Variants in PRKAG2 observed in about 807,000 individuals in gnomAD.
PRKAG2 encodes the protein 5'-AMP-activated protein kinase subunit gamma-2.
A neutral mutation model predicts 69.6 loss-of-function variants in PRKAG2; 26 were observed. The ratio of observed to expected loss-of-function variants is 0.37; its 90% CI spans 0.27 to 0.52. PRKAG2 has a LOEUF of 0.52. PRKAG2 is among the 20% of genes least tolerant of loss of function. The pLI is 0.90. For synonymous variants in PRKAG2, 293 were observed against 285.0 expected (o/e 1.03, Z -0.28); for missense variants, 557 against 740.0 (o/e 0.75, Z 2.87).
chr7:151,581,474 G>A (rs1810457272), intron 6 of PRKAG2, among the ~76,000 whole-genome samples: 1 of 152,116 alleles, frequency 6.6e-6, no homozygotes, highest in Non-Finnish European at 1.5e-5. Context: ...TCCTTCAGTG[G>A]ACACATTTCT....
rs866047367 is a variant in PRKAG2, at chr7:151,561,699, G to A, written c.1585-1082C>T. 1.8e-4 allele frequency among the ~76,000 whole-genome samples: 28 copies of A among 152,288 alleles called. No individual in the cohort carries two copies. In the South Asian group the frequency reaches 3.3e-3, roughly 18 times the overall value. On this transcript the variant is annotated intron_variant, in intron 14 of 15. Transcript: ENST00000287878. ...TGTAATCCCAGCACTTTGGGAGGCC[G>A]AGGCGGGCGGATCACCTGAGGTCAG...
intron 3 of PRKAG2, among the ~76,000 whole-genome samples, chr7:151,688,051 C>CCCTCCT (rs1554539800): frequency 2.7e-5 from 4 of 145,734 alleles, no homozygotes; most frequent in African/African-American, 1.0e-4. Context: ...GGCCCCCCCC[C>CCCTCCT]GGGCTCCTTG....
Position 151,632,483 on chromosome 7 carries a change from C to A in PRKAG2, c.685-345G>T, listed in dbSNP as rs1014783618. ...CAGCGCCTGGGCCCGGGGCGCCCCC[C>A]TCCGGCCGTGGCCCGCGTCCTCCCC... On this transcript the variant is annotated intron_variant, in intron 4 of 15. Transcript: ENST00000287878. This position sits in a 1 kb window ranked among gnomAD's most constrained non-coding sequence, Gnocchi z 4.2. The A allele has an allele frequency of 1.2e-6, 1 of 821,952 alleles. No homozygotes were observed. Among genetic ancestry groups the A allele is most frequent in the Non-Finnish European group, 1.5e-6 (1 of 681,674 alleles). 50.9% of individuals were successfully genotyped at this position (821,952 alleles called of 1,614,324 possible).
At chr7:151,569,894 G>T (rs1419313451) in intron 10 of PRKAG2, among the ~76,000 whole-genome samples, 1 of 152,184 alleles carries the variant, frequency 6.6e-6, no homozygotes, top group Non-Finnish European at 1.5e-5. Context: ...AAAAGCCCAG[G>T]AATCTGCAAT....
chr7:151,799,685 T>C (rs1034450397), intron 1 of PRKAG2, among the ~76,000 whole-genome samples: 1 of 152,192 alleles, frequency 6.6e-6, no homozygotes, highest in African/African-American at 2.4e-5. Flanking sequence ...ACACTCTGCA[T>C]GGAGGGGCTC....
chr7:151,814,670 G>A lies in PRKAG2; in HGVS notation c.115-28129C>T, dbSNP rs1200047028. On this transcript the variant is annotated intron_variant, in intron 1 of 15. Coordinates refer to ENST00000287878, the MANE Select transcript of PRKAG2 (RefSeq NM_016203.4). The surrounding 1 kb of genome is among the most constrained non-coding windows in gnomAD (Gnocchi z 4.8). Reference sequence around the variant, plus strand: ...TGCAACAGATGGGGACCGGGGCTGGGTGTGTTCCCAGTCCCCAAGGCAGCG... The same window carrying A: ...TGCAACAGATGGGGACCGGGGCTGGATGTGTTCCCAGTCCCCAAGGCAGCG... 1.6e-6 allele frequency: 2 copies of A among 1,231,812 alleles called. No homozygotes were observed. The highest frequency in any genetic ancestry group is 4.1e-5 in the South Asian group (1 of 24,318). 76.3% of individuals were successfully genotyped at this position (1,231,812 alleles called of 1,614,324 possible).
intron 1 of PRKAG2, among the ~76,000 whole-genome samples, chr7:151,866,019 CAA>C (rs61697386): frequency 1.8e-4 from 17 of 95,708 alleles, no homozygotes; most frequent in Admixed American, 4.1e-4. Context: ...GACTCTGTCT[CAA>C]AAAAAAAAAA....
At position 151,716,584 on chromosome 7, in the gene PRKAG2, G is replaced by A. The variant is rs1454924884; in HGVS notation, c.467-40947C>T. Among the ~76,000 whole-genome samples the A allele has an allele frequency of 5.9e-5, 9 of 152,300 alleles. No individual in the cohort carries two copies. In the East Asian group the frequency reaches 1.7e-3, roughly 29 times the overall value. ...CCGCCCAGCCTTGCACTTAACAGGT[G>A]CATAATAATCCCTTAGGAAGGAGGG... On this transcript the variant is annotated intron_variant, in intron 3 of 15. Transcript: ENST00000287878.
In PRKAG2 at chr7:151,814,461, A is replaced by G. The variant is rs908430729; in HGVS notation, c.115-27920T>C. 1 of 1,230,436 alleles carries G rather than the reference A, an allele frequency of 8.1e-7. No homozygotes were observed. The highest frequency in any genetic ancestry group is 1.5e-5 in the African/African-American group (1 of 64,522). 76.2% of individuals were successfully genotyped at this position (1,230,436 alleles called of 1,614,324 possible). ...AGGTCTTCTCTTCCAGATGCTAATA[A>G]GCAGTGCAGGCTTGTAAGCTGCTGG... On this transcript the variant is annotated intron_variant, in intron 1 of 15. Coordinates refer to ENST00000287878, the MANE Select transcript of PRKAG2 (RefSeq NM_016203.4). The surrounding 1 kb of genome is among the most constrained non-coding windows in gnomAD (Gnocchi z 4.8).
intron 1 of PRKAG2, among the ~76,000 whole-genome samples, chr7:151,869,182 A>T (rs906982118): frequency 2.0e-5 from 3 of 152,220 alleles, no homozygotes; most frequent in African/African-American, 4.8e-5. Flanking sequence ...TGCAATATCG[A>T]TTGAACCCAC....
At chr7:151,710,873 T>C (rs1795186770) in intron 3 of PRKAG2, among the ~76,000 whole-genome samples, 1 of 152,138 alleles carries the variant, frequency 6.6e-6, no homozygotes, top group African/African-American at 2.4e-5. Context: ...GCACTCATAG[T>C]GGTAGGCAGA....
At chr7:151,667,767 A>G (rs1458093259) in intron 4 of PRKAG2, among the ~76,000 whole-genome samples, 2 of 152,344 alleles carry the variant, frequency 1.3e-5, no homozygotes, top group African/African-American at 2.4e-5. Context: ...GAATTGAGAC[A>G]AGTTAGCTGT....
chr7:151,665,878 A>G (rs560019175), intron 4 of PRKAG2, among the ~76,000 whole-genome samples: 203 of 152,228 alleles, frequency 1.3e-3, no homozygotes, highest in Non-Finnish European at 2.4e-3. Flanking sequence ...GTGCCTTTCT[A>G]TCTTTGAAAG....
chr7:151,715,371 A>G (rs1021069576), intron 3 of PRKAG2, among the ~76,000 whole-genome samples: 2 of 137,968 alleles, frequency 1.4e-5, no homozygotes, highest in Non-Finnish European at 3.1e-5. Context: ...TTTTTGAGAC[A>G]GAGTTCCTGT....
chr7:151,704,049 G>A (rs183411300), intron 3 of PRKAG2, among the ~76,000 whole-genome samples: 125 of 151,650 alleles, frequency 8.2e-4, no homozygotes, highest in Non-Finnish European at 1.2e-3. Context: ...ATGACAGACC[G>A]AGACTCTGTC....
intron 3 of PRKAG2, among the ~76,000 whole-genome samples, chr7:151,724,728 C>T (rs2536071): frequency 0.25 from 37,723 of 152,122 alleles, 4,867 homozygotes; most frequent in South Asian, 0.4. Context: ...GCCGCTTGCC[C>T]GCCCCACAAG....
intron 5 of PRKAG2, among the ~76,000 whole-genome samples, chr7:151,627,455 A>G (rs554436870): frequency 5.9e-4 from 89 of 152,114 alleles, no homozygotes; most frequent in African/African-American, 2.0e-3. Flanking sequence ...GTGAAACCCC[A>G]TCTCTACTAA....
rs73728430 is a variant in PRKAG2, at chr7:151,858,757, C to T, written c.114+17750G>A. ...AGTGCTGAGATGGGTTTGGTTTGAG[C>T]CCCCAATCCAAAGATGCTTTGCTGG... On this transcript the variant is annotated intron_variant, in intron 1 of 15. Coordinates refer to ENST00000287878, the MANE Select transcript of PRKAG2 (RefSeq NM_016203.4). Among the ~76,000 whole-genome samples the T allele has an allele frequency of 6.8e-3, 1,040 of 152,314 alleles. 18 individuals carry two copies. Among genetic ancestry groups the T allele is most frequent in the African/African-American group, 0.024 (995 of 41,558 alleles).
chr7:151,735,851 C>T (rs1277675539), intron 3 of PRKAG2: 6 of 1,535,344 alleles, frequency 3.9e-6, no homozygotes, highest in Non-Finnish European at 5.2e-6. Flanking sequence ...CCGTGGGGTT[C>T]CCTCCCAAGG....
Sources: gnomAD v4.1 joint callset for allele counts (sites outside exome capture counted in the v4.1 genomes callset) on GRCh38, gnomAD v4.1.1 for gene constraint, Gnocchi (gnomAD v3.1) non-coding constraint, MANE v1.5 for transcripts, NCBI Gene and HGNC (gene_info 2026-07-23, HGNC 2026-07-21) for gene names.